Variants in PET100 observed in about 807,000 individuals in gnomAD.
PET100 encodes PET100 cytochrome c oxidase chaperone, also known as protein PET100 homolog, mitochondrial.
A neutral mutation model predicts 13.6 loss-of-function variants in PET100; 13 were observed. The ratio of observed to expected loss-of-function variants is 0.96; its 90% CI spans 0.62 to 1.52. PET100 has a LOEUF of 1.52. Among genes scored for constraint, PET100 ranks in the 40% most tolerant of loss-of-function variants. PET100 has a pLI of 0.00. For missense variants in PET100, 94 were observed against 95.3 expected, an observed-to-expected ratio of 0.99 and a Z score of 0.06; for synonymous variants, 28 against 30.8, an observed-to-expected ratio of 0.91 and a Z score of 0.30.
intron 1 of PET100, 34 bp downstream of exon 1, chr19:7,629,894 G>T (rs2031235401): frequency 6.6e-7 from 1 of 1,510,538 alleles, no homozygotes; most frequent in Admixed American, 2.2e-5. Context: ...GGGAGGCTGG[G>T]CAGGGGATCT....
chr19:7,630,038 T>C, intron 1 of PET100, 178 bp downstream of exon 1: 1 of 583,780 alleles, frequency 1.7e-6, no homozygotes. Context: ...GCTGGGGGGG[T>C]TCTCGGATTT....
chr19:7,629,922 AG>A, intron 1 of PET100, 62 bp downstream of exon 1: 2 of 1,461,952 alleles, frequency 1.4e-6, no homozygotes, highest in Non-Finnish European at 1.8e-6. Context: ...TCTGAAGATG[AG>A]GTTGGAAATG....
chr19:7,630,139 A>G (rs1261561126), intron 1 of PET100: 4 of 475,504 alleles, frequency 8.4e-6, no homozygotes, highest in African/African-American at 8.1e-5. Context: ...AAGAAGGAAG[A>G]CTTAAGATCC....
intron 1 of PET100, chr19:7,630,077 G>A: frequency 1.8e-6 from 1 of 561,932 alleles, no homozygotes; most frequent in Non-Finnish European, 3.0e-6. Flanking sequence ...GCTGTGAGAG[G>A]GCTGGTCCGA....
At chr19:7,631,437 C>A (rs1003329572) in intron 3 of PET100, 36 bp from the exon 4 acceptor site, 7 of 1,511,020 alleles carry the variant, frequency 4.6e-6, no homozygotes, top group African/African-American at 2.8e-5. Flanking sequence ...GTGTGCCCCT[C>A]CCCCCTTCCT....
rs2031299923 is a variant in PET100 at position 7,631,511 on chromosome 19, G to T, written c.177G>T (p.Lys59Asn). 1 of 1,536,154 alleles carries T rather than the reference G, an allele frequency of 6.5e-7. No individual in the cohort carries two copies. ...EIEEFKERLR[K>N]RREEKLLRDA... ...AGGAATTCAAAGAGAGGTTACGGAA[G>T]CGGCGGGAGGAGAAGCTCCTTCGCG... Residue 59 changes from lysine to asparagine, a missense_variant, in exon 4 of 4, where the codon AAG becomes AAT. Lys to Asn is a moderately conservative substitution (Grantham distance 94, BLOSUM62 0). Transcript: ENST00000594797.
In PET100 at chr19:7,630,839, C is replaced by G; in HGVS notation, c.131C>G (p.Pro44Arg). 6.5e-7 allele frequency: 1 copy of G among 1,537,236 alleles called. No homozygotes were observed. Among genetic ancestry groups the G allele is most frequent in the East Asian group, 2.4e-5 (1 of 40,918 alleles). Residue 44 changes from proline (P) to arginine (R), a missense_variant, in exon 3 of 4, where the codon CCT becomes CGT. Transcript: ENST00000594797. ...TCCTTACAGAGGGAGCTGTGGCCAC[C>G]TGAGAAGGTAAGTGATCTCTTCTTC... ...VIQRKRELWP[P>R]EKLQEIEEFK...
chr19:7,630,878 G>A, intron 3 of PET100, 32 bp downstream of exon 3: 1 of 1,537,088 alleles, frequency 6.5e-7, no homozygotes, highest in Admixed American at 2.0e-5. Flanking sequence ...CCAGAGGGAT[G>A]GAGGAGGCTG....
rs2031266033 is a variant in PET100, at chr19:7,630,836, C to T, written c.128C>T (p.Pro43Leu). The T allele has an allele frequency of 1.3e-6, 2 of 1,537,216 alleles. No individual in the cohort carries two copies. The highest frequency in any genetic ancestry group is 1.7e-6 in the Non-Finnish European group (2 of 1,146,904). ...DVIQRKRELW[P>L]PEKLQEIEEF... ...TTTTCCTTACAGAGGGAGCTGTGGC[C>T]ACCTGAGAAGGTAAGTGATCTCTTC... is the stretch of plus-strand genomic sequence containing the variant. Residue 43 changes from proline (P) to leucine (L), a missense_variant, in exon 3 of 4, where the codon CCA (proline) becomes CTA (leucine). Transcript: ENST00000594797.
At chr19:7,631,347 A>T in intron 3 of PET100, 126 bp from the exon 4 acceptor site, 2 of 1,382,010 alleles carry the variant, frequency 1.4e-6, no homozygotes, top group Non-Finnish European at 1.9e-6. Flanking sequence ...CTTCCAGTGA[A>T]GACACTGAAC....
At chr19:7,630,417 C>G (rs559900874) in intron 1 of PET100, 156 bp from the exon 2 acceptor site, 99 of 635,088 alleles carry the variant, frequency 1.6e-4, no homozygotes, top group Non-Finnish European at 2.5e-4. Context: ...TTTTAGGGTG[C>G]GAGGTTTCTG....
intron 3 of PET100, 73 bp from the exon 4 acceptor site, chr19:7,631,400 G>GGA: frequency 1.1e-6 from 1 of 883,612 alleles, no homozygotes; most frequent in African/African-American, 2.0e-5. Context: ...AGAGGTGGGC[G>GGA]GGGGGGGGTG....
chr19:7,629,816 T>G lies in PET100; in HGVS notation c.-18T>G. 2.0e-6 allele frequency: 3 copies of G among 1,536,932 alleles called. No homozygotes were observed. The highest frequency in any genetic ancestry group is 2.6e-6 in the Non-Finnish European group (3 of 1,146,788). ...TCGGCTTTGGGCGGAACTGGCTTTG[T>G]TGACCGGGAGAAACGAGATGGGGGT... On this transcript the variant is annotated 5_prime_UTR_variant, in exon 1 of 4. Transcript: ENST00000594797.
rs747589847 is a variant in PET100 at position 7,630,314 on chromosome 19, TG to T, written c.28-255del. ...TCGAGGAGATGCTTTTGATTGTAGC[TG>T]GGGCGTCTGTGTGTCTGTCTGTGTT... On this transcript the variant is annotated intron_variant, in intron 1 of 3. Coordinates refer to ENST00000594797, the MANE Select transcript of PET100 (RefSeq NM_001171155.2). 58 of 546,594 alleles carry T rather than the reference TG, an allele frequency of 1.1e-4. 2 individuals carry two copies. In the East Asian group the frequency reaches 1.4e-3, roughly 13 times the overall value. The allele number at this position is 546,594 out of a possible 1,614,324, so 33.9% of individuals were successfully genotyped here. A position where few individuals can be genotyped will look rare whatever the true frequency, so the allele number is the denominator to read the frequency against.
At position 7,630,078 on chromosome 19, in the gene PET100, G is replaced by A. The variant is rs906936888; in HGVS notation, c.27+218G>A. The A allele has an allele frequency of 1.3e-5, 7 of 555,486 alleles. 1 individual carries two copies. Among genetic ancestry groups the A allele is most frequent in the African/African-American group, 1.2e-4 (6 of 51,160 alleles). The allele number at this position is 555,486 out of a possible 1,614,324, so 34.4% of individuals were successfully genotyped here. The stretch of plus-strand genomic sequence containing the variant: ...TTCTGGGTTTGGGGGCTGTGAGAGG[G>A]CTGGTCCGAGGAAGGACCTCAGAGA... On this transcript the variant is annotated intron_variant, in intron 1 of 3. Coordinates refer to ENST00000594797, the MANE Select transcript of PET100 (RefSeq NM_001171155.2).
At chr19:7,630,961 G>T in intron 3 of PET100, 115 bp downstream of exon 3, 1 of 1,319,178 alleles carries the variant, frequency 7.6e-7, no homozygotes, top group Non-Finnish European at 1.1e-6. Context: ...TGTAATCCCA[G>T]GGCATGGGAG....
chr19:7,631,742 C>T lies in PET100; in HGVS notation c.*186C>T, dbSNP rs147978153. The T allele has an allele frequency of 1.9e-5, 28 of 1,440,696 alleles. No homozygotes were observed. Among genetic ancestry groups the T allele is most frequent in the Non-Finnish European group, 2.2e-5 (24 of 1,094,010 alleles). The allele number at this position is 1,440,696 out of a possible 1,614,324, so 89.2% of individuals were successfully genotyped here. A position where few individuals can be genotyped will look rare whatever the true frequency, so the allele number is the denominator to read the frequency against. ...CTGCTGTTCCGACGGAAGCCGAGAG[C>T]GGTCGGGTCCTGAGGGGTGAGCAGG... On this transcript the variant is annotated 3_prime_UTR_variant, in exon 4 of 4. Coordinates refer to ENST00000594797, the MANE Select transcript of PET100 (RefSeq NM_001171155.2).
At chr19:7,630,479 C>T in intron 1 of PET100, 94 bp from the exon 2 acceptor site, 1 of 1,025,508 alleles carries the variant, frequency 9.8e-7, no homozygotes, top group Non-Finnish European at 1.5e-6. Context: ...CGAGGCGCTT[C>T]TGGACTCTGC....
At chr19:7,630,999 A>G (rs2031271927) in intron 3 of PET100, 153 bp downstream of exon 3, 1 of 1,024,182 alleles carries the variant, frequency 9.8e-7, no homozygotes, top group Non-Finnish European at 1.4e-6. Context: ...ACTTGAGGTC[A>G]GGAGTTCAAA....
Sources: gnomAD v4.1 joint callset for allele counts on GRCh38, gnomAD v4.1.1 for gene constraint, MANE v1.5 for transcripts, NCBI Gene and HGNC (gene_info 2026-07-23, HGNC 2026-07-21) for gene names.